DENND1A: variants seen among roughly 807,000 people sequenced by gnomAD.
DENND1A encodes the protein DENN domain containing 1A, also known as DENN domain-containing protein 1A.
Under a neutral mutation model 113.7 loss-of-function variants are expected in DENND1A, and 51 were observed. The observed-to-expected ratio is 0.45, with a 90% confidence interval of 0.36 to 0.57. The LOEUF (loss-of-function observed/expected upper bound fraction) is 0.57. Ranked by LOEUF, DENND1A falls within the 20% of genes least tolerant of loss-of-function variation. The pLI, the probability that DENND1A is intolerant of heterozygous loss-of-function variation, is 0.00. For missense variants in DENND1A, 1,258 were observed against 1,395.9 expected, an observed-to-expected ratio of 0.90 and a Z score of 1.57; for synonymous variants, 565 against 570.8, an observed-to-expected ratio of 0.99 and a Z score of 0.14.
At chr9:123,583,090 C>T in intron 12 of DENND1A, 79 bp downstream of exon 12, 4 of 1,081,908 alleles carry the variant, frequency 3.7e-6, no homozygotes, top group East Asian at 5.0e-5. Context: ...ATTTCCCCTC[C>T]TTCCCCATTC....
At position 123,720,829 on chromosome 9, in the gene DENND1A, T is replaced by G. The variant is rs147867192; in HGVS notation, c.302+36874A>C. ...TAAACACTTGGGGAACACAAACAAC[T>G]CAAGGCTAGTTTAGGCAAAATGGAA... On this transcript the variant is annotated intron_variant, in intron 5 of 23. Transcript: ENST00000394215. 2.6e-5 allele frequency among the ~76,000 whole-genome samples: 4 copies of G among 152,252 alleles called. No homozygotes were observed. The East Asian group carries it at 7.7e-4, about 29-fold the overall frequency.
chr9:123,470,348 C>T (rs2049298673), intron 13 of DENND1A, among the ~76,000 whole-genome samples: 1 of 13,830 alleles, frequency 7.2e-5, no homozygotes, highest in South Asian at 2.3e-3. Flanking sequence ...CACCTGCTGG[C>T]TCAACCACGT....
At chr9:123,513,684 C>T (rs1475276334) in intron 13 of DENND1A, among the ~76,000 whole-genome samples, 3 of 152,230 alleles carry the variant, frequency 2.0e-5, no homozygotes, top group Non-Finnish European at 4.4e-5. Flanking sequence ...CCAAAGACAG[C>T]ATCATACCAA....
chr9:123,620,816 C>G (rs2060922974), intron 10 of DENND1A, among the ~76,000 whole-genome samples: 1 of 151,940 alleles, frequency 6.6e-6, no homozygotes, highest in Admixed American at 6.6e-5. Context: ...ACAGTGGCAC[C>G]ATTCCACTCT....
chr9:123,691,439 G>A (rs1393442154), intron 5 of DENND1A, among the ~76,000 whole-genome samples: 1 of 152,130 alleles, frequency 6.6e-6, no homozygotes, highest in Admixed American at 6.6e-5. Context: ...ATTCTGTCTG[G>A]AGGAAACCAA....
intron 21 of DENND1A, chr9:123,401,852 C>T (rs777930412): frequency 2.4e-5 from 39 of 1,614,012 alleles, no homozygotes; most frequent in Non-Finnish European, 3.0e-5. Flanking sequence ...GGAACTTGGC[C>T]GCAAAATGGG....
At chr9:123,451,226 C>G (rs1429434461) in intron 17 of DENND1A, among the ~76,000 whole-genome samples, 8 of 152,190 alleles carry the variant, frequency 5.3e-5, no homozygotes, top group Non-Finnish European at 8.8e-5. Context: ...TGGCAGACAC[C>G]CTGGCTTTGA....
chr9:123,655,808 C>T (rs554449697), intron 8 of DENND1A, among the ~76,000 whole-genome samples: 4 of 152,300 alleles, frequency 2.6e-5, no homozygotes, highest in African/African-American at 9.6e-5. Flanking sequence ...ACAAGATAAG[C>T]CACTCTCCCA....
chr9:123,491,843 A>G (rs1364545000), intron 13 of DENND1A: 1 of 152,120 alleles, frequency 6.6e-6, no homozygotes, highest in Non-Finnish European at 1.5e-5. Flanking sequence ...TCACCCTCCA[A>G]CATACTCCTC....
At chr9:123,612,242 A>C (rs2060451180) in intron 10 of DENND1A, among the ~76,000 whole-genome samples, 1 of 152,236 alleles carries the variant, frequency 6.6e-6, no homozygotes, top group Non-Finnish European at 1.5e-5. Flanking sequence ...GAAGAAAAAG[A>C]AACCCAGAAT....
chr9:123,736,269 G>A (rs2130970649), intron 5 of DENND1A, among the ~76,000 whole-genome samples: 1 of 152,252 alleles, frequency 6.6e-6, no homozygotes, highest in East Asian at 1.9e-4. Flanking sequence ...CCATTTTCTG[G>A]AAGGAGAGAA....
chr9:123,636,986 G>A (rs1487399827), intron 9 of DENND1A, among the ~76,000 whole-genome samples: 1 of 152,150 alleles, frequency 6.6e-6, no homozygotes, highest in Non-Finnish European at 1.5e-5. Context: ...CACCGCGCCC[G>A]GCCCCAGACA....
intron 2 of DENND1A, among the ~76,000 whole-genome samples, chr9:123,799,601 T>C (rs558466571): frequency 5.3e-5 from 8 of 152,280 alleles, no homozygotes; most frequent in African/African-American, 1.9e-4. Flanking sequence ...TCAGGGCTCA[T>C]CCCATAACAC....
At chr9:123,892,936 C>A (rs1412055544) in intron 1 of DENND1A, among the ~76,000 whole-genome samples, 2 of 151,990 alleles carry the variant, frequency 1.3e-5, no homozygotes, top group Admixed American at 1.3e-4. Flanking sequence ...GAGCCGAGAT[C>A]GCGCCACTGC....
At position 123,382,693 on chromosome 9, in the gene DENND1A, C is replaced by A. The variant is rs2042344102; in HGVS notation, c.2020-68G>T. ...TGGGACATATGTGTGCCCATTCCCA[C>A]ACCACTTCTGTGTGCTGAATGTGTG... On this transcript the variant is annotated intron_variant, in intron 23 of 23. Transcript: ENST00000394215. 16 of 1,511,730 alleles carry A rather than the reference C, an allele frequency of 1.1e-5. No homozygotes were observed. In the South Asian group the frequency reaches 1.7e-4, roughly 16 times the overall value. 93.6% of individuals were successfully genotyped at this position (1,511,730 alleles called of 1,614,324 possible).
chr9:123,767,001 G>C (rs566432659), intron 4 of DENND1A, among the ~76,000 whole-genome samples: 2 of 152,030 alleles, frequency 1.3e-5, no homozygotes, highest in African/African-American at 2.4e-5. Flanking sequence ...TTTTTTGAAC[G>C]CAATCACCTG....
intron 12 of DENND1A, among the ~76,000 whole-genome samples, chr9:123,578,748 C>T (rs920737678): frequency 6.6e-6 from 1 of 152,108 alleles, no homozygotes; most frequent in Non-Finnish European, 1.5e-5. Flanking sequence ...GGCAATAAAT[C>T]AGTACAATTA....
rs1392775210 is a variant in DENND1A, at chr9:123,382,191, G to A, written c.2454C>T (p.Val818=). Residue 818 remains valine, a synonymous_variant, in exon 24 of 24, where the codon GTC becomes GTT. Coordinates refer to ENST00000394215, the MANE Select transcript of DENND1A (RefSeq NM_001352964.2). ...GGAGCAGTTCAGTGGGGCCTTGGGG[G>A]ACAACACCAGGCAGGAGCCCTGGAC... The part of the protein sequence containing the change: ...ALSPGLLPGV[V]PQGPTELLQP... 6.2e-7 allele frequency: 1 copy of A among 1,609,656 alleles called. No individual in the cohort carries two copies. Among genetic ancestry groups the A allele is most frequent in the Non-Finnish European group, 8.5e-7 (1 of 1,179,500 alleles).
chr9:123,519,241 G>T (rs997759916), intron 13 of DENND1A, among the ~76,000 whole-genome samples: 1 of 152,134 alleles, frequency 6.6e-6, no homozygotes, highest in Non-Finnish European at 1.5e-5. Context: ...GTTTACTATT[G>T]TATTTCCCTA....
Sources: allele counts gnomAD v4.1 joint callset (sites outside exome capture counted in the v4.1 genomes callset), GRCh38; gene constraint gnomAD v4.1.1; transcripts MANE v1.5; gene names NCBI Gene and HGNC (gene_info 2026-07-23, HGNC 2026-07-21).